Variants in CEP85L observed in about 807,000 individuals in gnomAD.
CEP85L encodes centrosomal protein of 85 kDa-like.
In CEP85L, 60 loss-of-function variants were observed where a neutral mutation model predicts 100.3. That is an observed-to-expected ratio of 0.60 (90% CI 0.49 to 0.74). The LOEUF is 0.74. Ranked by LOEUF, CEP85L falls within the 30% of genes least tolerant of loss-of-function variation. CEP85L has a pLI of 0.00. For synonymous variants in CEP85L, 319 were observed against 322.7 expected, an observed-to-expected ratio of 0.99 and a Z score of 0.12; for missense variants, 973 against 936.2, an observed-to-expected ratio of 1.04 and a Z score of -0.51.
At chr6:118,544,878 C>G (rs1778105715) in intron 3 of CEP85L, among the ~76,000 whole-genome samples, 1 of 152,088 alleles carries the variant, frequency 6.6e-6, no homozygotes, top group African/African-American at 2.4e-5. Context: ...AATTTCCATC[C>G]TCTCAATCTC....
chr6:118,590,940 G>C (rs1781156186), intron 2 of CEP85L, among the ~76,000 whole-genome samples: 1 of 152,142 alleles, frequency 6.6e-6, no homozygotes, highest in Non-Finnish European at 1.5e-5. Flanking sequence ...GGTCATCGGA[G>C]CCATATCACC....
At chr6:118,508,130 C>T (rs981088698) in intron 5 of CEP85L, among the ~76,000 whole-genome samples, 8 of 152,044 alleles carry the variant, frequency 5.3e-5, no homozygotes, top group African/African-American at 1.7e-4. Context: ...GAATTTAACA[C>T]ATTAGATGTT....
At chr6:118,686,117 A>C (rs1012212494) in intron 1 of CEP85L, among the ~76,000 whole-genome samples, 16 of 152,150 alleles carry the variant, frequency 1.1e-4, no homozygotes, top group African/African-American at 3.6e-4. Flanking sequence ...TGGAGGAGTA[A>C]CTTCAGGTAA....
rs1033686237 is a variant in CEP85L, at chr6:118,697,500, T to A, written c.-28+12536A>T. 3.9e-5 allele frequency among the ~76,000 whole-genome samples: 6 copies of A among 152,220 alleles called. No individual in the cohort carries two copies. In the East Asian group the frequency reaches 1.2e-3, roughly 29 times the overall value. On this transcript the variant is annotated intron_variant, in intron 1 of 13. Transcript: ENST00000368488. ...GATAATTTTCCTTCTCCACCTTCACTTTGGTGGGACTGAGTGGAACTGAGT... is the reference window on the plus strand; with the variant it reads ...GATAATTTTCCTTCTCCACCTTCACATTGGTGGGACTGAGTGGAACTGAGT...
At chr6:118,679,026 A>C (rs1776565769) in intron 1 of CEP85L, among the ~76,000 whole-genome samples, 1 of 152,182 alleles carries the variant, frequency 6.6e-6, no homozygotes, top group Non-Finnish European at 1.5e-5. Flanking sequence ...GAATTTTCCA[A>C]GCCTTTCTTT....
upstream of CEP85L, among the ~76,000 whole-genome samples, chr6:118,653,793 A>C (rs907596399): frequency 1.3e-5 from 2 of 151,884 alleles, no homozygotes; most frequent in African/African-American, 4.8e-5. Flanking sequence ...ATCATTGCTC[A>C]GATGAAATTA....
chr6:118,627,198 C>CAAAAAAAAAAAAAAAAAAAGGA (rs1773855554), intron 2 of CEP85L, among the ~76,000 whole-genome samples: 1 of 72,578 alleles, frequency 1.4e-5, no homozygotes, highest in Non-Finnish European at 2.6e-5. Context: ...GACTCCATCT[C>CAAAAAAAAAAAAAAAAAAAGGA]AAAAAAAAAA....
intron 3 of CEP85L, among the ~76,000 whole-genome samples, chr6:118,555,425 C>CAAAAAAAAAAAAAAAAAAAAAACTAAAAA (rs200889385): frequency 8.6e-6 from 1 of 116,418 alleles, no homozygotes. Context: ...AAGACTGTCT[C>CAAAAAAAAAAAAAAAAAAAAAACTAAAAA]AAAAAAAAAA....
intron 2 of CEP85L, among the ~76,000 whole-genome samples, chr6:118,602,983 A>G (rs1403841868): frequency 1.3e-5 from 2 of 152,140 alleles, no homozygotes; most frequent in Non-Finnish European, 2.9e-5. Flanking sequence ...ACCAAGTCCA[A>G]CTAATTTTTT....
Position 118,565,587 on chromosome 6 carries a change from G to C in CEP85L, c.962C>G (p.Ala321Gly). 6.2e-7 allele frequency: 1 copy of C among 1,614,182 alleles called. No homozygotes were observed. The highest frequency in any genetic ancestry group is 8.5e-7 in the Non-Finnish European group (1 of 1,180,024). Residue 321 changes from alanine (A) to glycine (G), a missense_variant, in exon 3 of 13, where the codon GCT becomes GGT. By Grantham distance (60) the Ala-to-Gly change is moderately conservative. Around this residue, in one of 3 missense-constraint regions of CEP85L, gnomAD observed 890 missense variants for 844.5 expected, o/e 1.05. Transcript: ENST00000368491. ...GRNTEDSYSL[A>G]PWQQQQIEDF... Reference sequence around the variant, plus strand: ...TTCAATTTGCTGCTGTTGCCAAGGAGCTAAACTGTAAGAATCCTCTGTATT... The same window carrying C: ...TTCAATTTGCTGCTGTTGCCAAGGACCTAAACTGTAAGAATCCTCTGTATT...
intron 2 of CEP85L, 87 bp from the exon 3 acceptor site, chr6:118,566,403 G>A (rs1282401548): frequency 9.7e-6 from 11 of 1,132,334 alleles, no homozygotes; most frequent in African/African-American, 1.6e-5. Flanking sequence ...AGAAATATCT[G>A]AACATGGTTT....
At chr6:118,611,623 A>T (rs1299515505) in intron 2 of CEP85L, among the ~76,000 whole-genome samples, 2 of 152,212 alleles carry the variant, frequency 1.3e-5, no homozygotes, top group Non-Finnish European at 1.5e-5. Flanking sequence ...ATTTACCTCA[A>T]ATAATAACAT....
chr6:118,542,969 A>C (rs1333770605), intron 3 of CEP85L, among the ~76,000 whole-genome samples: 1 of 150,338 alleles, frequency 6.7e-6, no homozygotes, highest in Non-Finnish European at 1.5e-5. Flanking sequence ...GTTTACCTGA[A>C]TTAGCATGAT....
chr6:118,540,700 T>C (rs1243172583), intron 3 of CEP85L, among the ~76,000 whole-genome samples: 1 of 151,882 alleles, frequency 6.6e-6, no homozygotes, highest in Admixed American at 6.6e-5. Context: ...AAGCTTGCAG[T>C]GAACCAAGAT....
At chr6:118,525,607 A>G (rs1776919867) in intron 3 of CEP85L, among the ~76,000 whole-genome samples, 1 of 152,246 alleles carries the variant, frequency 6.6e-6, no homozygotes. Context: ...AGACAAGGAA[A>G]GCCAAAGACC....
At chr6:118,606,326 GGAGAA>G (rs1772219363) in intron 2 of CEP85L, among the ~76,000 whole-genome samples, 1 of 152,190 alleles carries the variant, frequency 6.6e-6, no homozygotes, top group South Asian at 2.1e-4. Context: ...AGTCCACGGA[GGAGAA>G]GAGAATAGAC....
rs534570767 is a variant in CEP85L, at chr6:118,465,041, CACA to C, written c.*361_*363del. 5.0e-4 allele frequency: 84 copies of C among 166,746 alleles called. No individual in the cohort carries two copies. Among genetic ancestry groups the C allele is most frequent in the South Asian group, 3.8e-3 (21 of 5,574 alleles). 10.3% of individuals were successfully genotyped at this position (166,746 alleles called of 1,614,324 possible). On this transcript the variant is annotated 3_prime_UTR_variant, in exon 13 of 13. Coordinates refer to ENST00000368491, the MANE Select transcript of CEP85L (RefSeq NM_001042475.3). ...TGTGAATAAAGCACGTGCACACACA[CACA>C]ACAACACACATACATGCACACACAA...
intron 1 of CEP85L, among the ~76,000 whole-genome samples, chr6:118,675,643 T>C (rs1776459028): frequency 6.7e-6 from 1 of 149,894 alleles, no homozygotes; most frequent in South Asian, 2.1e-4. Flanking sequence ...TGGCTAACCC[T>C]TGTAAACCCA....
chr6:118,465,393 A>T lies in CEP85L; in HGVS notation c.*12T>A. 6.2e-7 allele frequency: 1 copy of T among 1,611,068 alleles called. No homozygotes were observed. The highest frequency in any genetic ancestry group is 8.5e-7 in the Non-Finnish European group (1 of 1,178,268). On this transcript the variant is annotated 3_prime_UTR_variant, in exon 13 of 13. Coordinates refer to ENST00000368491, the MANE Select transcript of CEP85L (RefSeq NM_001042475.3). ...AACAACAGGTCATTATTGCTGTGGG[A>T]CTAACACTTGATCACTGAGTAATGC... is the stretch of plus-strand genomic sequence containing the variant.
Sources: allele counts gnomAD v4.1 joint callset (sites outside exome capture counted in the v4.1 genomes callset), GRCh38; gene constraint gnomAD v4.1.1; regional missense constraint gnomAD v4.1.1; transcripts MANE v1.5; gene names NCBI Gene and HGNC (gene_info 2026-07-23, HGNC 2026-07-21).